MACROD2: variants seen among roughly 807,000 people sequenced by gnomAD.
MACROD2 encodes the protein ADP-ribose glycohydrolase MACROD2.
In MACROD2, 36 loss-of-function variants were observed where a neutral mutation model predicts 70.4. The ratio of observed to expected loss-of-function variants is 0.51; its 90% CI spans 0.39 to 0.68. The LOEUF (loss-of-function observed/expected upper bound fraction) is 0.68. MACROD2 is among the 30% of genes least tolerant of loss of function. The pLI is 0.00. For synonymous variants in MACROD2, 172 were observed against 178.8 expected (o/e 0.96, Z 0.30); for missense variants, 496 against 538.4 (o/e 0.92, Z 0.78).
At chr20:14,386,657 T>G (rs2083470929) in intron 3 of MACROD2, among the ~76,000 whole-genome samples, 1 of 152,186 alleles carries the variant, frequency 6.6e-6, no homozygotes. Context: ...GCTCCCCTTT[T>G]GCCTTCTGCC....
At chr20:14,638,291 A>G (rs1382821024) in intron 4 of MACROD2, among the ~76,000 whole-genome samples, 1 of 152,204 alleles carries the variant, frequency 6.6e-6, no homozygotes, top group Non-Finnish European at 1.5e-5. Flanking sequence ...TGGGAAATAC[A>G]TTAGACATTT....
At chr20:14,651,676 C>T (rs1178730851) in intron 4 of MACROD2, among the ~76,000 whole-genome samples, 1 of 152,164 alleles carries the variant, frequency 6.6e-6, no homozygotes, top group Admixed American at 6.5e-5. Flanking sequence ...TGTGAGAAAG[C>T]CACTTTGTTA....
intron 8 of MACROD2, among the ~76,000 whole-genome samples, chr20:15,630,099 C>T (rs200765): frequency 1 from 151,933 of 152,308 alleles, 75,781 homozygotes; most frequent in East Asian, 1. Flanking sequence ...TTGATGATGA[C>T]GATAGAGGAG....
At chr20:14,699,733 G>A (rs1459316887) in intron 5 of MACROD2, among the ~76,000 whole-genome samples, 3 of 152,094 alleles carry the variant, frequency 2.0e-5, no homozygotes, top group African/African-American at 7.2e-5. Context: ...TTTTCCTCAA[G>A]CATCAACTTT....
chr20:14,247,272 A>G (rs2081975212), intron 3 of MACROD2, among the ~76,000 whole-genome samples: 1 of 152,234 alleles, frequency 6.6e-6, no homozygotes, highest in Non-Finnish European at 1.5e-5. Flanking sequence ...CAGGATTTCC[A>G]GTGCGAGGCT....
At chr20:15,037,490 T>C (rs895842788) in intron 5 of MACROD2, among the ~76,000 whole-genome samples, 2 of 152,208 alleles carry the variant, frequency 1.3e-5, no homozygotes, top group Non-Finnish European at 2.9e-5. Flanking sequence ...ATGTTTGTGG[T>C]ACAACTCTTT....
chr20:15,363,119 T>C (rs1305310892), intron 6 of MACROD2, among the ~76,000 whole-genome samples: 2 of 152,216 alleles, frequency 1.3e-5, no homozygotes, highest in Admixed American at 1.3e-4. Flanking sequence ...CCTTCGTTTG[T>C]TTGTTTTCTG....
chr20:14,409,161 T>TTG (rs1161191571), intron 3 of MACROD2, among the ~76,000 whole-genome samples: 2 of 151,068 alleles, frequency 1.3e-5, no homozygotes, highest in African/African-American at 4.9e-5. Flanking sequence ...TTTTTTTTTT[T>TTG]TTTTCCAAAC....
chr20:15,130,457 AC>A (rs1390592979), intron 5 of MACROD2, among the ~76,000 whole-genome samples: 1 of 151,738 alleles, frequency 6.6e-6, no homozygotes, highest in Non-Finnish European at 1.5e-5. Flanking sequence ...TCCTGAAAAC[AC>A]CCTACTCTCA....
At chr20:15,065,969 C>T (rs1197597770) in intron 5 of MACROD2, among the ~76,000 whole-genome samples, 1 of 152,084 alleles carries the variant, frequency 6.6e-6, no homozygotes, top group African/African-American at 2.4e-5. Flanking sequence ...GGCTCTGCTC[C>T]AGGCTTGGGG....
intron 3 of MACROD2, among the ~76,000 whole-genome samples, chr20:14,458,119 AAG>A (rs1437978465): frequency 6.6e-6 from 1 of 152,196 alleles, no homozygotes; most frequent in East Asian, 1.9e-4. Context: ...GAAAAAAAAA[AAG>A]AGTAAATAAA....
intron 8 of MACROD2, among the ~76,000 whole-genome samples, chr20:15,716,557 T>C (rs931878598): frequency 1.3e-5 from 2 of 152,226 alleles, no homozygotes; most frequent in African/African-American, 4.8e-5. Context: ...GTTTGAGGTT[T>C]TTAAAAGTGC....
chr20:14,072,806 C>T (rs914656712), intron 2 of MACROD2, among the ~76,000 whole-genome samples: 2 of 151,734 alleles, frequency 1.3e-5, no homozygotes, highest in African/African-American at 2.4e-5. Context: ...TGGTGGCGGA[C>T]GCCTATAGTC....
At position 16,019,840 on chromosome 20, in the gene MACROD2, G is replaced by A. The variant is rs533233357; in HGVS notation, c.1154-21361G>A. 5.3e-5 allele frequency among the ~76,000 whole-genome samples: 8 copies of A among 152,280 alleles called. No individual in the cohort carries two copies. The South Asian group carries it at 1.7e-3, about 32-fold the overall frequency. ...CCTGCCCAAGGCCCGGCAGAGGAGG[G>A]TAGGGCACATAGAGATCACACAGGA... is the stretch of plus-strand genomic sequence containing the variant. On this transcript the variant is annotated intron_variant, in intron 15 of 17. Coordinates refer to ENST00000684519, the MANE Select transcript of MACROD2 (RefSeq NM_001351661.2).
At chr20:15,980,822 CT>C (rs1289331346) in intron 13 of MACROD2, among the ~76,000 whole-genome samples, 1 of 152,164 alleles carries the variant, frequency 6.6e-6, no homozygotes, top group Non-Finnish European at 1.5e-5. Flanking sequence ...CATTTCTTAT[CT>C]GAGTTTTTTG....
chr20:14,654,117 A>C (rs1284391870), intron 4 of MACROD2, among the ~76,000 whole-genome samples: 1 of 152,136 alleles, frequency 6.6e-6, no homozygotes, highest in African/African-American at 2.4e-5. Flanking sequence ...ATATTATAAT[A>C]ATTATTAATT....
intron 5 of MACROD2, among the ~76,000 whole-genome samples, chr20:14,720,575 G>C (rs1226666828): frequency 3.0e-5 from 1 of 33,608 alleles, no homozygotes; most frequent in African/African-American, 1.5e-4. Flanking sequence ...TTTTTTGTGA[G>C]GCAGAGTCTC....
At chr20:15,846,686 A>G (rs1001840253) in intron 8 of MACROD2, among the ~76,000 whole-genome samples, 9 of 152,084 alleles carry the variant, frequency 5.9e-5, no homozygotes, top group African/African-American at 2.2e-4. Flanking sequence ...TGCAGTCTAG[A>G]GCCGTCCTGT....
chr20:14,517,479 T>C lies in MACROD2; in HGVS notation c.301+23971T>C, dbSNP rs530035387. On this transcript the variant is annotated intron_variant, in intron 4 of 17. Transcript: ENST00000684519. ...ATGTGTTTTCACTCATAAGTGGGAG[T>C]TGAGCAATGAGAACACGTGGACACA... 4.6e-5 allele frequency among the ~76,000 whole-genome samples: 7 copies of C among 151,882 alleles called. No homozygotes were observed. The South Asian group carries it at 1.5e-3, about 32-fold the overall frequency.
Sources: allele counts gnomAD v4.1 joint callset (sites outside exome capture counted in the v4.1 genomes callset), GRCh38; gene constraint gnomAD v4.1.1; transcripts MANE v1.5; gene names NCBI Gene and HGNC (gene_info 2026-07-23, HGNC 2026-07-21).